GTF3C4: variants seen among roughly 807,000 people sequenced by gnomAD.
The protein encoded by GTF3C4 is general transcription factor 3C polypeptide 4.
GTF3C4 carries 28 observed loss-of-function variants against 67.5 expected under a neutral mutation model. The ratio of observed to expected loss-of-function variants is 0.41; its 90% CI spans 0.31 to 0.57. GTF3C4 has a LOEUF of 0.57. GTF3C4 is among the 20% of genes least tolerant of loss of function. The pLI is 0.21. For missense variants in GTF3C4, 831 were observed against 1,033.2 expected (o/e 0.80, Z 2.68); for synonymous variants, 409 against 393.0 (o/e 1.04, Z -0.48).
In GTF3C4 at chr9:132,679,932, G is replaced by T; in HGVS notation, c.2184+129G>T. 1.3e-6 allele frequency: 1 copy of T among 762,988 alleles called. No homozygotes were observed. Among genetic ancestry groups the T allele is most frequent in the East Asian group, 2.6e-5 (1 of 38,336 alleles). The allele number at this position is 762,988 out of a possible 1,614,324, so 47.3% of individuals were successfully genotyped here. On this transcript the variant is annotated intron_variant, in intron 2 of 4. Transcript: ENST00000372146. This position sits in a 1 kb window ranked among gnomAD's most constrained non-coding sequence, Gnocchi z 5.9. The stretch of plus-strand genomic sequence containing the variant: ...TTTTTTAGGTAATTTATTTGCTTGA[G>T]GTGCAGGGTAATAAATAGGAAGCGT...
At chr9:132,686,218 C>T (rs1022018632) in intron 3 of GTF3C4, among the ~76,000 whole-genome samples, 5 of 152,220 alleles carry the variant, frequency 3.3e-5, no homozygotes, top group Non-Finnish European at 7.3e-5. Flanking sequence ...TCTCCAGAAG[C>T]CACATGTGTA....
rs1022551082 is a variant in GTF3C4 at position 132,689,370 on chromosome 9, C to T, written c.*425C>T. The stretch of plus-strand genomic sequence containing the variant: ...GCTTTGGTTTGGAACTGCCTTCGGG[C>T]TCCAGAACTTAAATTGCTTGGTCCG... On this transcript the variant is annotated 3_prime_UTR_variant, in exon 5 of 5. Coordinates refer to ENST00000372146, the MANE Select transcript of GTF3C4 (RefSeq NM_012204.4). The T allele has an allele frequency of 1.4e-4, 23 of 166,584 alleles. No individual in the cohort carries two copies. The highest frequency in any genetic ancestry group is 2.1e-4 in the Non-Finnish European group (16 of 75,988). 10.3% of individuals were successfully genotyped at this position (166,584 alleles called of 1,614,324 possible).
chr9:132,675,031 G>GT (rs1052796049), intron 1 of GTF3C4, among the ~76,000 whole-genome samples: 29 of 150,308 alleles, frequency 1.9e-4, no homozygotes, highest in East Asian at 9.8e-4. Flanking sequence ...AATCTCAAAA[G>GT]TTTTTTTTTT....
intron 3 of GTF3C4, among the ~76,000 whole-genome samples, chr9:132,686,909 C>T (rs575343893): frequency 2.0e-5 from 3 of 152,252 alleles, no homozygotes; most frequent in African/African-American, 4.8e-5. Context: ...GAATAATTCT[C>T]AATATAATAC....
intron 2 of GTF3C4, among the ~76,000 whole-genome samples, chr9:132,681,926 C>A (rs967594254): frequency 1.4e-5 from 2 of 145,966 alleles, no homozygotes; most frequent in Non-Finnish European, 3.0e-5. Context: ...AGTTCAAGGC[C>A]AGCCTGAGCA....
chr9:132,683,431 C>T, intron 2 of GTF3C4, 132 bp from the exon 3 acceptor site: 1 of 730,906 alleles, frequency 1.4e-6, no homozygotes, highest in Non-Finnish European at 2.2e-6. Context: ...AAATGCAAAT[C>T]TCCTGTCTTC....
In GTF3C4 at chr9:132,670,561, G is replaced by A; in HGVS notation, c.-38G>A. 7.4e-7 allele frequency: 1 copy of A among 1,357,444 alleles called. No individual in the cohort carries two copies. Among genetic ancestry groups the A allele is most frequent in the African/African-American group, 1.5e-5 (1 of 65,736 alleles). 84.1% of individuals were successfully genotyped at this position (1,357,444 alleles called of 1,614,324 possible). A position where few individuals can be genotyped will look rare whatever the true frequency, so the allele number is the denominator to read the frequency against. On this transcript the variant is annotated 5_prime_UTR_variant, in exon 1 of 5. Transcript: ENST00000372146. Reference sequence around the variant, plus strand: ...CCGGGAGGTGGTCGCGCGACTGCGTGGAGCGCCAGGGCGTCCGACCTCTGC... The same window carrying A: ...CCGGGAGGTGGTCGCGCGACTGCGTAGAGCGCCAGGGCGTCCGACCTCTGC...
Position 132,670,781 on chromosome 9 carries a change from G to A in GTF3C4, c.183G>A (p.Gln61=), listed in dbSNP as rs1044725141. 8.2e-6 allele frequency: 13 copies of A among 1,588,060 alleles called. No homozygotes were observed. Among genetic ancestry groups the A allele is most frequent in the Non-Finnish European group, 1.1e-5 (13 of 1,171,906 alleles). The change falls in exon 1 of 5, where the codon CAG becomes CAA. Residue 61 remains glutamine (Q), a synonymous_variant. Coordinates refer to ENST00000372146, the MANE Select transcript of GTF3C4 (RefSeq NM_012204.4). ...GGCGGGAGCCGGCCGTGAAGCTGCA[G>A]TATGCGGTGAGCGGCCTGGAACCGC... ...VTRREPAVKL[Q]YAVSGLEPLA... is the part of the protein sequence containing the mutation.
chr9:132,679,237 A>G lies in GTF3C4; in HGVS notation c.1618A>G (p.Ile540Val). Residue 540 changes from isoleucine to valine, a missense_variant, in exon 2 of 5, where the codon ATA becomes GTA. Physicochemically the swap from Ile to Val is conservative, Grantham distance 29 (BLOSUM62 3). Transcript: ENST00000372146. This position sits in a 1 kb window ranked among gnomAD's most constrained non-coding sequence, Gnocchi z 5.9. ...AAACCTTTTTAAGCAGGTAGATTTA[A>G]TAGACCTAGTACGCTGGAAGATTTT... Reference protein sequence around the residue: ...VQNLFKQVDLIDLVRWKILKD... With the variant: ...VQNLFKQVDLVDLVRWKILKD... 6.2e-7 allele frequency: 1 copy of G among 1,613,932 alleles called. No homozygotes were observed. Among genetic ancestry groups the G allele is most frequent in the Non-Finnish European group, 8.5e-7 (1 of 1,179,880 alleles).
rs552722046 is a variant in GTF3C4 at position 132,694,918 on chromosome 9, C to G, written c.*5973C>G. On this transcript the variant is annotated 3_prime_UTR_variant, in exon 5 of 5. Coordinates refer to ENST00000372146, the MANE Select transcript of GTF3C4 (RefSeq NM_012204.4). Reference sequence around the variant, plus strand: ...GCCATTAGTATTGTTATTTTGGCCACTTTTTTATTCAAAATAAATAACATA... The same window carrying G: ...GCCATTAGTATTGTTATTTTGGCCAGTTTTTTATTCAAAATAAATAACATA... 6.6e-6 allele frequency: 1 copy of G among 152,280 alleles called. No individual in the cohort carries two copies. The highest frequency in any genetic ancestry group is 2.1e-4 in the South Asian group (1 of 4,818). 9.4% of individuals were successfully genotyped at this position (152,280 alleles called of 1,614,324 possible).
At chr9:132,675,027 A>G (rs1337235202) in intron 1 of GTF3C4, among the ~76,000 whole-genome samples, 1 of 152,182 alleles carries the variant, frequency 6.6e-6, no homozygotes, top group Admixed American at 6.5e-5. Flanking sequence ...GAGGAATCTC[A>G]AAAGTTTTTT....
rs1836108553 is a variant in GTF3C4 at position 132,691,068 on chromosome 9, G to T, written c.*2123G>T. On this transcript the variant is annotated 3_prime_UTR_variant, in exon 5 of 5. Transcript: ENST00000372146. ...AGTTTTTCTAGAACGTGGACTCACT[G>T]CAGGGACTGGACCCAATGGCATTGT... The T allele has an allele frequency of 6.6e-6, 1 of 152,172 alleles. No homozygotes were observed. Among genetic ancestry groups the T allele is most frequent in the African/African-American group, 2.4e-5 (1 of 41,436 alleles). The allele number at this position is 152,172 out of a possible 1,614,324, so 9.4% of individuals were successfully genotyped here. A position where few individuals can be genotyped will look rare whatever the true frequency, so the allele number is the denominator to read the frequency against.
chr9:132,670,130 G>GC, upstream of GTF3C4: 1 of 1,584,436 alleles, frequency 6.3e-7, no homozygotes, highest in Non-Finnish European at 8.6e-7. Context: ...TACCGCGCGT[G>GC]CCCCCGCCTG....
At chr9:132,670,314 G>A, upstream of GTF3C4, 1 of 1,487,654 alleles carries the variant, frequency 6.7e-7, no homozygotes, top group Non-Finnish European at 8.9e-7. Context: ...ACTAAAGCCT[G>A]TCTGGGTAGC....
chr9:132,681,561 TC>T (rs1409399398), intron 2 of GTF3C4, among the ~76,000 whole-genome samples: 1 of 152,066 alleles, frequency 6.6e-6, no homozygotes, highest in Non-Finnish European at 1.5e-5. Flanking sequence ...AAATTATCAC[TC>T]CCCCCCGAAC....
Position 132,670,916 on chromosome 9 carries a change from C to G in GTF3C4, c.318C>G (p.Arg106=), listed in dbSNP as rs1438710421. Residue 106 remains arginine, a synonymous_variant, in exon 1 of 5, where the codon CGC becomes CGG. Coordinates refer to ENST00000372146, the MANE Select transcript of GTF3C4 (RefSeq NM_012204.4). ...HNPGQDLVIH[R]TSVPAPLNSC... Reference sequence around the variant, plus strand: ...CGGGCCAGGACCTGGTTATCCACCGCACCTCGGTGCCCGCACCGCTCAACA... The same window carrying G: ...CGGGCCAGGACCTGGTTATCCACCGGACCTCGGTGCCCGCACCGCTCAACA... 1.2e-6 allele frequency: 2 copies of G among 1,612,384 alleles called. No individual in the cohort carries two copies. Among genetic ancestry groups the G allele is most frequent in the Non-Finnish European group, 1.7e-6 (2 of 1,179,752 alleles).
At chr9:132,670,232 A>C (rs747789294), upstream of GTF3C4, 1 of 1,533,256 alleles carries the variant, frequency 6.5e-7, no homozygotes, top group African/African-American at 1.4e-5. Context: ...GCCTCTGAGA[A>C]GCGAGATCCG....
intron 3 of GTF3C4, 41 bp downstream of exon 3, chr9:132,683,734 G>A: frequency 6.3e-7 from 1 of 1,583,248 alleles, no homozygotes; most frequent in Non-Finnish European, 8.6e-7. Flanking sequence ...TCATTTTTCA[G>A]TTTTGTGTAG....
chr9:132,680,234 CAAGA>C (rs559156750), intron 2 of GTF3C4, among the ~76,000 whole-genome samples: 5 of 152,148 alleles, frequency 3.3e-5, no homozygotes, highest in Non-Finnish European at 7.4e-5. Context: ...CAGATTTAGT[CAAGA>C]AAGACATATA....
Sources: gnomAD v4.1 joint callset for allele counts (sites outside exome capture counted in the v4.1 genomes callset) on GRCh38, gnomAD v4.1.1 for gene constraint, Gnocchi (gnomAD v3.1) non-coding constraint, MANE v1.5 for transcripts, NCBI Gene and HGNC (gene_info 2026-07-23, HGNC 2026-07-21) for gene names.